The following SAXO1 variants were observed in gnomAD, a reference collection of about 807,000 sequenced individuals.
The protein encoded by SAXO1 is 4930500O09Rik.
A neutral mutation model predicts 17.5 loss-of-function variants in SAXO1; 21 were observed. The ratio of observed to expected loss-of-function variants is 1.20; its 90% confidence interval spans 0.85 to 1.72. The LOEUF (loss-of-function observed/expected upper bound fraction) is 1.72. SAXO1 is among the 40% of genes most tolerant of loss of function. SAXO1 has a pLI of 0.00. For missense variants in SAXO1, 843 were observed against 596.0 expected (o/e 1.41, Z -4.32); for synonymous variants, 274 against 216.5 (o/e 1.27, Z -2.33).
chr9:18,984,244 T>C (rs1171000617), intron 1 of SAXO1, among the ~76,000 whole-genome samples: 1 of 152,206 alleles, frequency 6.6e-6, no homozygotes, highest in Non-Finnish European at 1.5e-5. Context: ...TGCATACTTC[T>C]TAAGGGTCCT....
At chr9:18,975,679 T>G (rs1423140382) in intron 1 of SAXO1, among the ~76,000 whole-genome samples, 3 of 152,190 alleles carry the variant, frequency 2.0e-5, no homozygotes, top group Non-Finnish European at 4.4e-5. Flanking sequence ...GCGTACAAAT[T>G]CATACACTAT....
At chr9:19,047,483 T>C (rs1414043012) in intron 1 of SAXO1, among the ~76,000 whole-genome samples, 1 of 152,232 alleles carries the variant, frequency 6.6e-6, no homozygotes, top group Non-Finnish European at 1.5e-5. Context: ...GAACATTGTT[T>C]AGAATTCAAG....
intron 1 of SAXO1, chr9:19,027,603 T>C: frequency 7.0e-7 from 1 of 1,429,932 alleles, no homozygotes. Flanking sequence ...CCCCAGCTGG[T>C]GCAGATGTTC....
chr9:19,032,785 G>GA, intron 1 of SAXO1, 86 bp downstream of exon 1: 5 of 1,475,518 alleles, frequency 3.4e-6, no homozygotes, highest in Non-Finnish European at 4.6e-6. Context: ...GATGCCGCCT[G>GA]ATGAAGCAGC....
chr9:19,018,715 C>G (rs2131010897), intron 1 of SAXO1, among the ~76,000 whole-genome samples: 1 of 152,332 alleles, frequency 6.6e-6, no homozygotes, highest in South Asian at 2.1e-4. Context: ...CTCAGAAAAG[C>G]AGAGGCACCA....
intron 3 of SAXO1, among the ~76,000 whole-genome samples, chr9:18,937,640 T>C (rs1831358648): frequency 6.6e-6 from 1 of 152,112 alleles, no homozygotes; most frequent in Admixed American, 6.5e-5. Flanking sequence ...TCCACCTTCA[T>C]GAATGGATTA....
chr9:18,989,217 C>G (rs1213168835), intron 1 of SAXO1, among the ~76,000 whole-genome samples: 1 of 152,064 alleles, frequency 6.6e-6, no homozygotes, highest in African/African-American at 2.4e-5. Flanking sequence ...TACAATGATG[C>G]CAAAACAGAA....
intron 1 of SAXO1, among the ~76,000 whole-genome samples, chr9:19,004,380 G>C (rs529466213): frequency 6.6e-6 from 1 of 152,270 alleles, no homozygotes; most frequent in South Asian, 2.1e-4. Flanking sequence ...ATAACCAAAG[G>C]ATTATAAATC....
At chr9:18,999,294 G>A (rs1035231424) in intron 1 of SAXO1, among the ~76,000 whole-genome samples, 15 of 151,618 alleles carry the variant, frequency 9.9e-5, no homozygotes, top group South Asian at 2.1e-4. Context: ...CCCAGCGACC[G>A]CCCTGTCTGG....
Position 18,950,876 on chromosome 9 carries a change from G to C in SAXO1, c.100C>G (p.Leu34Val). The change falls in exon 2 of 4, where the codon CTC (leucine) becomes GTC (valine). Residue 34 changes from leucine (L) to valine (V), a missense_variant. Coordinates refer to ENST00000380534, the MANE Select transcript of SAXO1 (RefSeq NM_153707.4). Reference sequence around the variant, plus strand: ...GGGTAGTTCTCGGTATATTCGGAGAGAAGACATGGTTTCTCTGTTTTATCA... The same window carrying C: ...GGGTAGTTCTCGGTATATTCGGAGACAAGACATGGTTTCTCTGTTTTATCA... Reference protein sequence around the residue: ...IYDKTEKPCLLSEYTENYPFY... With the variant: ...IYDKTEKPCLVSEYTENYPFY... The C allele has an allele frequency of 1.2e-6, 2 of 1,613,520 alleles. No individual in the cohort carries two copies. The highest frequency in any genetic ancestry group is 1.7e-6 in the Non-Finnish European group (2 of 1,179,712).
intron 1 of SAXO1, among the ~76,000 whole-genome samples, chr9:18,988,905 C>T (rs1232025752): frequency 2.6e-5 from 4 of 152,108 alleles, no homozygotes; most frequent in Non-Finnish European, 5.9e-5. Context: ...TCATGGTGTA[C>T]CTGAGCATAG....
At chr9:19,004,847 G>A (rs933400493) in intron 1 of SAXO1, among the ~76,000 whole-genome samples, 73 of 152,002 alleles carry the variant, frequency 4.8e-4, no homozygotes, top group African/African-American at 4.6e-4. Context: ...GCACATGTAC[G>A]CTAGAACTTA....
intron 1 of SAXO1, among the ~76,000 whole-genome samples, chr9:18,980,775 A>G (rs201377145): frequency 2.4e-5 from 3 of 125,806 alleles, no homozygotes; most frequent in East Asian, 2.1e-4. Context: ...ATATTTTTAA[A>G]AAACTGAAAA....
intron 1 of SAXO1, among the ~76,000 whole-genome samples, chr9:18,968,945 A>C (rs1932455): frequency 0.18 from 27,813 of 152,068 alleles, 5,356 homozygotes; most frequent in African/African-American, 0.49. Context: ...GGGGTAAAAA[A>C]CATGGCTGGC....
chr9:18,933,902 C>T (rs1028276498), intron 3 of SAXO1, among the ~76,000 whole-genome samples: 3 of 152,100 alleles, frequency 2.0e-5, no homozygotes, highest in African/African-American at 4.8e-5. Flanking sequence ...ACAAATTAGC[C>T]AGGCGTAGTG....
chr9:19,007,687 G>C (rs1834541174), intron 1 of SAXO1, among the ~76,000 whole-genome samples: 2 of 131,486 alleles, frequency 1.5e-5, no homozygotes, highest in African/African-American at 6.1e-5. Flanking sequence ...GCCAAATTCA[G>C]CTTGCTACCT....
At chr9:18,954,544 C>T (rs961136345) in intron 1 of SAXO1, among the ~76,000 whole-genome samples, 3 of 152,018 alleles carry the variant, frequency 2.0e-5, no homozygotes, top group African/African-American at 7.3e-5. Flanking sequence ...ACCATGCTTC[C>T]CAAGCTGGTA....
intron 2 of SAXO1, among the ~76,000 whole-genome samples, chr9:18,942,101 C>T (rs1364758441): frequency 8.4e-6 from 1 of 119,452 alleles, no homozygotes; most frequent in Non-Finnish European, 1.6e-5. Flanking sequence ...CAGTGCCCCT[C>T]CACCTCATTG....
chr9:18,983,456 A>G (rs1833477341), intron 1 of SAXO1, among the ~76,000 whole-genome samples: 1 of 152,240 alleles, frequency 6.6e-6, no homozygotes, highest in Non-Finnish European at 1.5e-5. Context: ...AGGTGGGGAC[A>G]CAGAGCCAAA....
Sources: gnomAD v4.1 joint callset for allele counts (sites outside exome capture counted in the v4.1 genomes callset) on GRCh38, gnomAD v4.1.1 for gene constraint, MANE v1.5 for transcripts, NCBI Gene and HGNC (gene_info 2026-07-23, HGNC 2026-07-21) for gene names.